Variants in PRPF6 observed in about 807,000 individuals in gnomAD.
The protein encoded by PRPF6 is pre-mRNA processing factor 6, also known as pre-mRNA-processing factor 6.
A neutral mutation model predicts 118.3 loss-of-function variants in PRPF6; 42 were observed. The ratio of observed to expected loss-of-function variants is 0.35; its 90% CI spans 0.28 to 0.46. The LOEUF is 0.46. Ranked by LOEUF, PRPF6 falls within the 20% of genes least tolerant of loss-of-function variation. The pLI, the probability that PRPF6 is intolerant of heterozygous loss-of-function variation, is 1.00. For synonymous variants in PRPF6, 481 were observed against 485.1 expected (o/e 0.99, Z 0.11); for missense variants, 662 against 1,255.7 (o/e 0.53, Z 7.15).
At position 63,983,038 on chromosome 20, in the gene PRPF6, C is replaced by A. The variant is rs569568751; in HGVS notation, c.72-9C>A. 2 of 1,613,784 alleles carry A rather than the reference C, an allele frequency of 1.2e-6. No individual in the cohort carries two copies. The highest frequency in any genetic ancestry group is 2.2e-5 in the South Asian group (2 of 91,020). On this transcript the variant is annotated splice_polypyrimidine_tract_variant and intron_variant, in intron 1 of 20. Transcript: ENST00000266079. Reference sequence around the variant, plus strand: ...TTCAGACACCCGGTGTCTTGGGGGTCTCCTGCAGCGCCACTGGCTTCACCA... The same window carrying A: ...TTCAGACACCCGGTGTCTTGGGGGTATCCTGCAGCGCCACTGGCTTCACCA...
rs760171597 is a variant in PRPF6, at chr20:64,031,915, C to T, written c.2547-3C>T. Reference sequence around the variant, plus strand: ...CTGGGTTCACGTCCTTCTGCTGGAACAGGCTGTTTTGGAGTCAGCGGAAGA... The same window carrying T: ...CTGGGTTCACGTCCTTCTGCTGGAATAGGCTGTTTTGGAGTCAGCGGAAGA... On this transcript the variant is annotated splice_polypyrimidine_tract_variant and splice_region_variant and intron_variant, in intron 19 of 20. Coordinates refer to ENST00000266079, the MANE Select transcript of PRPF6 (RefSeq NM_012469.4). The T allele has an allele frequency of 1.9e-6, 3 of 1,614,138 alleles. No individual in the cohort carries two copies. In the South Asian group the frequency reaches 3.3e-5, roughly 18 times the overall value.
intron 9 of PRPF6, among the ~76,000 whole-genome samples, chr20:64,006,904 G>A (rs116678338): frequency 1.6e-3 from 247 of 152,322 alleles, no homozygotes; most frequent in African/African-American, 5.2e-3. Flanking sequence ...TCTTCTGGCC[G>A]TCTTTCAGTT....
chr20:63,983,149 C>T lies in PRPF6; in HGVS notation c.174C>T (p.Asp58=). 3.1e-6 allele frequency: 5 copies of T among 1,614,058 alleles called. No individual in the cohort carries two copies. Among genetic ancestry groups the T allele is most frequent in the Non-Finnish European group, 3.4e-6 (4 of 1,180,030 alleles). The change falls in exon 2 of 21, where the codon GAC becomes GAT. Residue 58 remains aspartate, a synonymous_variant. Coordinates refer to ENST00000266079, the MANE Select transcript of PRPF6 (RefSeq NM_012469.4). ...CCCCAGGCAAGAGAACCGTTGGGGA[C>T]CAGATGAAGAAAAATCAGGCTGCTG... The part of the protein sequence containing the change: ...HAPPGKRTVG[D]QMKKNQAADD...
At chr20:64,016,939 C>CTT (rs371911604) in intron 12 of PRPF6, 94 bp downstream of exon 12, 1,096 of 1,281,486 alleles carry the variant, frequency 8.6e-4, no homozygotes, top group Non-Finnish European at 9.6e-4. Context: ...TTTTAAAACT[C>CTT]TTTTTTTTTT....
At chr20:63,990,095 C>T (rs2059112002) in intron 3 of PRPF6, among the ~76,000 whole-genome samples, 1 of 151,826 alleles carries the variant, frequency 6.6e-6, no homozygotes, top group Non-Finnish European at 1.5e-5. Flanking sequence ...CCCAAGTGAT[C>T]CACCCGCCTC....
intron 4 of PRPF6, among the ~76,000 whole-genome samples, chr20:63,994,158 CTTT>C (rs1158030989): frequency 5.1e-5 from 7 of 138,356 alleles, no homozygotes; most frequent in Non-Finnish European, 3.2e-5. Context: ...TTTTCTTTTT[CTTT>C]TTTTTTTTTT....
intron 3 of PRPF6, among the ~76,000 whole-genome samples, chr20:63,992,419 G>C (rs1027095354): frequency 1.3e-5 from 2 of 151,996 alleles, no homozygotes; most frequent in African/African-American, 4.8e-5. Context: ...GCGCCACCAC[G>C]CCTGGCTAAT....
At chr20:64,007,921 T>C (rs2427585) in intron 9 of PRPF6, among the ~76,000 whole-genome samples, 32,280 of 152,030 alleles carry the variant, frequency 0.21, 3,824 homozygotes, top group African/African-American at 0.3. Flanking sequence ...GGATTACAGG[T>C]GCATGCCACC....
intron 9 of PRPF6, among the ~76,000 whole-genome samples, chr20:64,003,599 T>C (rs557991582): frequency 3.3e-5 from 5 of 152,160 alleles, no homozygotes; most frequent in Admixed American, 2.6e-4. Context: ...ACAGCCTCTT[T>C]TATTTTTTTT....
chr20:64,017,673 A>G (rs1048610478), intron 12 of PRPF6, among the ~76,000 whole-genome samples: 2 of 151,724 alleles, frequency 1.3e-5, no homozygotes, highest in African/African-American at 4.8e-5. Context: ...GTGAGGCGCC[A>G]CGCCTGGCCG....
intron 10 of PRPF6, 21 bp downstream of exon 10, chr20:64,010,339 G>A (rs570088769): frequency 1.3e-6 from 2 of 1,586,812 alleles, no homozygotes; most frequent in Non-Finnish European, 1.7e-6. Context: ...CGGGCTCAGG[G>A]CCACCAGAGC....
intron 3 of PRPF6, among the ~76,000 whole-genome samples, chr20:63,987,422 C>A (rs2059099658): frequency 6.6e-6 from 1 of 151,740 alleles, no homozygotes; most frequent in Admixed American, 6.6e-5. Context: ...TTACAGTGAG[C>A]TGAGATTGTG....
chr20:64,010,163 T>G, intron 9 of PRPF6, 37 bp from the exon 10 acceptor site: 1 of 1,569,714 alleles, frequency 6.4e-7, no homozygotes, highest in Non-Finnish European at 8.8e-7. Flanking sequence ...TTTTATCTCC[T>G]TTTCTGTGAC....
chr20:63,995,075 G>A lies in PRPF6; in HGVS notation c.598G>A (p.Val200Met). ...ACAGACCGGAGAGAACCATACCTCA[G>A]TGGATCCCCGACAAACTGTGAGCTT... ...HLQTGENHTSVDPRQTQFGGL... is the reference protein window; with the variant it reads ...HLQTGENHTSMDPRQTQFGGL... The change falls in exon 5 of 21, where the codon GTG becomes ATG. Residue 200 changes from valine (V) to methionine (M), a missense_variant. Val to Met is a conservative substitution (Grantham distance 21). This residue lies in a region of PRPF6 where 97 missense variants were observed against 122.6 expected (regional missense o/e 0.79). Transcript: ENST00000266079. 1 of 1,614,194 alleles carries A rather than the reference G, an allele frequency of 6.2e-7. No individual in the cohort carries two copies. The highest frequency in any genetic ancestry group is 8.5e-7 in the Non-Finnish European group (1 of 1,180,046).
At chr20:63,988,310 A>G (rs2059103687) in intron 3 of PRPF6, among the ~76,000 whole-genome samples, 1 of 146,274 alleles carries the variant, frequency 6.8e-6, no homozygotes, top group South Asian at 2.2e-4. Flanking sequence ...ACGGGGCAAG[A>G]CTCTGTCTCA....
chr20:64,025,796 C>T (rs973465580), intron 14 of PRPF6, 143 bp from the exon 15 acceptor site: 23 of 1,473,252 alleles, frequency 1.6e-5, no homozygotes, highest in Non-Finnish European at 1.9e-5. Flanking sequence ...GTCATCTCCT[C>T]CCTGGGAAGG....
chr20:64,031,753 G>T (rs994919601), intron 19 of PRPF6, among the ~76,000 whole-genome samples, 165 bp from the exon 20 acceptor site: 1 of 152,088 alleles, frequency 6.6e-6, no homozygotes, highest in South Asian at 2.1e-4. Context: ...ATGATCTGGG[G>T]TAATTATTTC....
At chr20:64,004,019 A>G (rs1202607777) in intron 9 of PRPF6, among the ~76,000 whole-genome samples, 1 of 152,196 alleles carries the variant, frequency 6.6e-6, no homozygotes, top group East Asian at 1.9e-4. Flanking sequence ...GAGCCCATGA[A>G]AGTCTGGGTA....
intron 9 of PRPF6, among the ~76,000 whole-genome samples, chr20:64,006,114 T>G (rs2059188749): frequency 6.6e-6 from 1 of 152,080 alleles, no homozygotes; most frequent in Non-Finnish European, 1.5e-5. Context: ...CCATTAACTT[T>G]TACTGGTAAA....
Sources: allele counts gnomAD v4.1 joint callset (sites outside exome capture counted in the v4.1 genomes callset), GRCh38; gene constraint gnomAD v4.1.1; regional missense constraint gnomAD v4.1.1; transcripts MANE v1.5; gene names NCBI Gene and HGNC (gene_info 2026-07-23, HGNC 2026-07-21).